Variants in SIDT2 observed in about 807,000 individuals in gnomAD.
SIDT2 encodes the protein SID1 transmembrane family, member 2.
In SIDT2, 68 loss-of-function variants were observed where a neutral mutation model predicts 114.4. The ratio of observed to expected loss-of-function variants is 0.59; its 90% confidence interval spans 0.49 to 0.73. The LOEUF is 0.73. Among genes scored for constraint, SIDT2 ranks in the 30% least tolerant of loss-of-function variants. The probability of loss-of-function intolerance (pLI) is 0.00; values close to 1 mark genes in which losing one functional copy is unlikely to be tolerated. For missense variants in SIDT2, 918 were observed against 1,097.1 expected, an observed-to-expected ratio of 0.84 and a Z score of 2.31; for synonymous variants, 470 against 438.4, an observed-to-expected ratio of 1.07 and a Z score of -0.90.
chr11:117,190,364 T>C lies in SIDT2; in HGVS notation c.1617+75T>C, dbSNP rs2030654004. On this transcript the variant is annotated intron_variant, in intron 17 of 25. Coordinates refer to ENST00000324225, the MANE Select transcript of SIDT2 (RefSeq NM_001040455.2). This position sits in a 1 kb window ranked among gnomAD's most constrained non-coding sequence, Gnocchi z 4.1. ...TCAAGCCTTGGCTCCAGGACACCCT[T>C]TTGGGCAGGCCTGGCCCTGCCTTCC... 2.0e-6 allele frequency: 3 copies of C among 1,514,968 alleles called. No homozygotes were observed. Among genetic ancestry groups the C allele is most frequent in the Admixed American group, 2.3e-5 (1 of 44,036 alleles). 93.8% of individuals were successfully genotyped at this position (1,514,968 alleles called of 1,614,324 possible). A position where few individuals can be genotyped will look rare whatever the true frequency, so the allele number is the denominator to read the frequency against.
In SIDT2 at chr11:117,192,842, T is replaced by C. The variant is rs763474873; in HGVS notation, c.2081T>C (p.Met694Thr). ...CAGGACCGCATGGTGCTGCTGGTCA[T>C]GGGCAACGTCATCAACTGGTCGCTG... ...LYVDRMVLLV[M>T]GNVINWSLAA... The change falls in exon 22 of 26, where the codon ATG (methionine) becomes ACG (threonine). Residue 694 changes from methionine (M) to threonine (T), a missense_variant. Around this residue, in one of 4 missense-constraint regions of SIDT2, gnomAD observed 275 missense variants for 397.6 expected, o/e 0.69. Coordinates refer to ENST00000324225, the MANE Select transcript of SIDT2 (RefSeq NM_001040455.2). The surrounding 1 kb of genome is among the most constrained non-coding windows in gnomAD (Gnocchi z 5.9). 3.1e-6 allele frequency: 5 copies of C among 1,614,008 alleles called. No individual in the cohort carries two copies. The highest frequency in any genetic ancestry group is 2.2e-5 in the East Asian group (1 of 44,884).
At position 117,196,041 on chromosome 11, in the gene SIDT2, A is replaced by G. The variant is rs772265007; in HGVS notation, c.2474A>G (p.Gln825Arg). The G allele has an allele frequency of 6.2e-7, 1 of 1,614,240 alleles. No homozygotes were observed. Among genetic ancestry groups the G allele is most frequent in the South Asian group, 1.1e-5 (1 of 91,088 alleles). ...CTGGATGACGACCTGGATACTGTGC[A>G]GCGGGACAAGATCTATGTCTTCTAG... ...LTLDDDLDTV[Q>R]RDKIYVF Residue 825 changes from glutamine to arginine, a missense_variant, in exon 26 of 26, where the codon CAG becomes CGG. By Grantham distance (43) the Gln-to-Arg change is conservative. This residue lies in a region of SIDT2 where 275 missense variants were observed against 397.6 expected (regional missense o/e 0.69). Transcript: ENST00000324225. The surrounding 1 kb of genome is among the most constrained non-coding windows in gnomAD (Gnocchi z 4.9).
intron 24 of SIDT2, among the ~76,000 whole-genome samples, chr11:117,195,085 CAAAAAAAAAAAAAAAAA>C (rs55970874): frequency 2.2e-5 from 1 of 45,700 alleles, no homozygotes; most frequent in Admixed American, 4.4e-4. Context: ...GACTCTGTCT[CAAAAAAAAAAAAAAAAA>C]AAAAAAAAAA....
At position 117,188,931 on chromosome 11, in the gene SIDT2, G is replaced by T; in HGVS notation, c.1278+105G>T. 8.2e-7 allele frequency: 1 copy of T among 1,218,322 alleles called. No homozygotes were observed. The highest frequency in any genetic ancestry group is 1.2e-6 in the Non-Finnish European group (1 of 823,896). 75.5% of individuals were successfully genotyped at this position (1,218,322 alleles called of 1,614,324 possible). ...TGACGTGGCATTTAGGGAAGCAGAAGGAAGGGGCTCAGCTGGGGCAGGGCA... is the reference window on the plus strand; with the variant it reads ...TGACGTGGCATTTAGGGAAGCAGAATGAAGGGGCTCAGCTGGGGCAGGGCA... On this transcript the variant is annotated intron_variant, in intron 13 of 25. Transcript: ENST00000324225. The surrounding 1 kb of genome is among the most constrained non-coding windows in gnomAD (Gnocchi z 4.0).
intron 8 of SIDT2, among the ~76,000 whole-genome samples, chr11:117,184,811 C>T (rs577998584): frequency 6.2e-4 from 95 of 152,282 alleles, no homozygotes; most frequent in African/African-American, 2.2e-3. Context: ...CTGCAATCTC[C>T]GCCTCCCGGG....
In SIDT2 at chr11:117,193,262, A is replaced by G; in HGVS notation, c.2211+4A>G. The G allele has an allele frequency of 1.2e-6, 2 of 1,611,820 alleles. No homozygotes were observed. Among genetic ancestry groups the G allele is most frequent in the South Asian group, 2.2e-5 (2 of 90,860 alleles). On this transcript the variant is annotated splice_donor_region_variant and intron_variant, in intron 23 of 25. Transcript: ENST00000324225. The stretch of plus-strand genomic sequence containing the variant: ...CGCCTTCTACATCATCATGAAGGTG[A>G]GTGGGGCTGGCCAAGCCCCCTCTGT...
chr11:117,182,250 A>AC, intron 4 of SIDT2, 145 bp downstream of exon 4: 8 of 958,222 alleles, frequency 8.3e-6, no homozygotes, highest in African/African-American at 1.6e-5. Context: ...TCTGGCCCTG[A>AC]CATGGTGAGG....
rs375738890 is a variant in SIDT2 at position 117,189,318 on chromosome 11, G to A, written c.1353-17G>A. ...CTTGGGTGCCACCCACCTCACTGCC[G>A]CCCTCCTGCTCCGCAGGAACATTGC... On this transcript the variant is annotated splice_polypyrimidine_tract_variant and intron_variant, in intron 14 of 25. Transcript: ENST00000324225. The A allele has an allele frequency of 1.5e-5, 25 of 1,614,032 alleles. No individual in the cohort carries two copies. The highest frequency in any genetic ancestry group is 1.8e-5 in the Non-Finnish European group (21 of 1,180,006).
At position 117,187,404 on chromosome 11, in the gene SIDT2, T is replaced by G; in HGVS notation, c.1042T>G (p.Phe348Val). Residue 348 changes from phenylalanine (F) to valine (V), a missense_variant, in exon 11 of 26, where the codon TTT becomes GTT. Physicochemically the swap from Phe to Val is conservative, Grantham distance 50. Transcript: ENST00000324225. ...SGHPRVLADSFPGSSPYEGYN... is the reference protein window; with the variant it reads ...SGHPRVLADSVPGSSPYEGYN... ...TCACCCTCGAGTCCTGGCTGATTCT[T>G]TTCCTGGCAGTTCCCCTTATGAGGG... 6.2e-7 allele frequency: 1 copy of G among 1,614,112 alleles called. No homozygotes were observed. Among genetic ancestry groups the G allele is most frequent in the Non-Finnish European group, 8.5e-7 (1 of 1,180,014 alleles).
At position 117,190,300 on chromosome 11, in the gene SIDT2, ACCTG is replaced by A; in HGVS notation, c.1617+22_1617+25del. On this transcript the variant is annotated intron_variant, in intron 17 of 25. Transcript: ENST00000324225. The surrounding 1 kb of genome is among the most constrained non-coding windows in gnomAD (Gnocchi z 4.1). ...GACCTCTGTGCCCTGGTAAGGGAGCACCTGCCTGCCTGCCGCAGCCTCAGCTCCA... is the reference window on the plus strand; with the variant it reads ...GACCTCTGTGCCCTGGTAAGGGAGCACCTGCCTGCCGCAGCCTCAGCTCCA... 1 of 1,524,684 alleles carries A rather than the reference ACCTG, an allele frequency of 6.6e-7. No individual in the cohort carries two copies. Among genetic ancestry groups the A allele is most frequent in the Non-Finnish European group, 8.8e-7 (1 of 1,138,114 alleles). The allele number at this position is 1,524,684 out of a possible 1,614,324, so 94.4% of individuals were successfully genotyped here.
Position 117,179,391 on chromosome 11 carries a change from T to G in SIDT2, c.128T>G (p.Val43Gly). The part of the protein sequence containing the change: ...AEFERTYVDE[V>G]NSELVNIYTF... ...TTTGAGCGCACCTACGTGGACGAGG[T>G]CAACAGCGAGCTGGTCAACATCTAC... The change falls in exon 1 of 26, where the codon GTC (valine) becomes GGC (glycine). Residue 43 changes from valine to glycine, a missense_variant. Around this residue, in one of 4 missense-constraint regions of SIDT2, gnomAD observed 553 missense variants for 600.1 expected, o/e 0.92. Transcript: ENST00000324225. 6.2e-7 allele frequency: 1 copy of G among 1,612,980 alleles called. No homozygotes were observed. The highest frequency in any genetic ancestry group is 8.5e-7 in the Non-Finnish European group (1 of 1,179,622).
At position 117,181,525 on chromosome 11, in the gene SIDT2, TC is replaced by T; in HGVS notation, c.295del (p.Leu99CysfsTer87). ...EAVVSFQVPL[I>X]LRGMFQRKYL... ...GTGGTGTCCTTCCAGGTGCCCCTAA[TC>T]CTGCGAGGGATGTGAGTAGGATCTG... On this transcript the variant is annotated frameshift_variant, in exon 2 of 26. Transcript: ENST00000324225. LOFTEE classifies it high-confidence loss of function. The T allele has an allele frequency of 6.2e-7, 1 of 1,613,912 alleles. No individual in the cohort carries two copies. The highest frequency in any genetic ancestry group is 8.5e-7 in the Non-Finnish European group (1 of 1,179,964).
chr11:117,189,756 C>T lies in SIDT2; in HGVS notation c.1420-196C>T, dbSNP rs181694362. The T allele has an allele frequency of 4.5e-3, 2,781 of 621,754 alleles. 23 individuals carry two copies. The highest frequency in any genetic ancestry group is 0.023 in the Middle Eastern group (53 of 2,334). 38.5% of individuals were successfully genotyped at this position (621,754 alleles called of 1,614,324 possible). A position where few individuals can be genotyped will look rare whatever the true frequency, so the allele number is the denominator to read the frequency against. On this transcript the variant is annotated intron_variant, in intron 15 of 25. Transcript: ENST00000324225. ...TCATGCCTCAGGGTTTTCAGCCACG[C>T]CTAATGAGAGGGGACAGCGACTGTG...
At position 117,183,838 on chromosome 11, in the gene SIDT2, A is replaced by T; in HGVS notation, c.762A>T (p.Gln254His). Residue 254 changes from glutamine (Q) to histidine (H), a missense_variant, in exon 7 of 26, where the codon CAA (glutamine) becomes CAT (histidine). Physicochemically the swap from Gln to His is conservative, Grantham distance 24. This residue lies in a region of SIDT2 where 553 missense variants were observed against 600.1 expected (regional missense o/e 0.92). Coordinates refer to ENST00000324225, the MANE Select transcript of SIDT2 (RefSeq NM_001040455.2). ...YVVVVVKTED[Q>H]ACGGSLPFYP... ...TGGTGGTGGTGAAGACCGAAGACCA[A>T]GCCTGCGGGGGCTCCCTGCCTTTCT... 1 of 1,614,084 alleles carries T rather than the reference A, an allele frequency of 6.2e-7. No homozygotes were observed. Among genetic ancestry groups the T allele is most frequent in the Non-Finnish European group, 8.5e-7 (1 of 1,180,010 alleles).
At chr11:117,187,551 C>T (rs989497442) in intron 11 of SIDT2, 77 bp from the exon 12 acceptor site, 2 of 1,595,968 alleles carry the variant, frequency 1.3e-6, no homozygotes, top group African/African-American at 1.3e-5. Flanking sequence ...CTCCAGCCCC[C>T]ACACCCTCTG....
chr11:117,191,936 G>T lies in SIDT2; in HGVS notation c.1794G>T (p.Arg598=). The T allele has an allele frequency of 6.2e-7, 1 of 1,614,166 alleles. No individual in the cohort carries two copies. Among genetic ancestry groups the T allele is most frequent in the South Asian group, 1.1e-5 (1 of 91,082 alleles). The change falls in exon 19 of 26, where the codon CGG becomes CGT. Residue 598 remains arginine (R), a synonymous_variant. Transcript: ENST00000324225. ...GCATGCTGAAGCTCTACCAGAAGCG[G>T]CACCCGGACATCAACGCCAGCGCCT... is the stretch of plus-strand genomic sequence containing the variant. ...GLCMLKLYQK[R]HPDINASAYS...
Position 117,188,947 on chromosome 11 carries a change from G to T in SIDT2, c.1278+121G>T. ...GAAGCAGAAGGAAGGGGCTCAGCTG[G>T]GGCAGGGCAGATGCCGGGGAAACTA... On this transcript the variant is annotated intron_variant, in intron 13 of 25. Transcript: ENST00000324225. The surrounding 1 kb of genome is among the most constrained non-coding windows in gnomAD (Gnocchi z 4.0). The T allele has an allele frequency of 9.0e-7, 1 of 1,111,494 alleles. No individual in the cohort carries two copies. 68.9% of individuals were successfully genotyped at this position (1,111,494 alleles called of 1,614,324 possible). A position where few individuals can be genotyped will look rare whatever the true frequency, so the allele number is the denominator to read the frequency against.
rs368934063 is a variant in SIDT2, at chr11:117,183,829, C to T, written c.753C>T (p.Thr251=). The change falls in exon 7 of 26, where the codon ACC becomes ACT. Residue 251 remains threonine, a synonymous_variant. Transcript: ENST00000324225. ...TTTATGTGGTGGTGGTGGTGAAGAC[C>T]GAAGACCAAGCCTGCGGGGGCTCCC... is the stretch of plus-strand genomic sequence containing the variant. ...NSFYVVVVVK[T]EDQACGGSLP... The T allele has an allele frequency of 1.9e-5, 30 of 1,613,914 alleles. No individual in the cohort carries two copies. The highest frequency in any genetic ancestry group is 5.0e-5 in the Admixed American group (3 of 59,986).
chr11:117,186,703 G>T, intron 10 of SIDT2, 67 bp downstream of exon 10: 3 of 1,444,730 alleles, frequency 2.1e-6, no homozygotes, highest in Non-Finnish European at 2.8e-6. Flanking sequence ...GGTGGTGGAT[G>T]GTTCCCTAGG....
Sources: allele counts gnomAD v4.1 joint callset (sites outside exome capture counted in the v4.1 genomes callset), GRCh38; gene constraint gnomAD v4.1.1; regional missense constraint gnomAD v4.1.1; non-coding constraint Gnocchi (gnomAD v3.1); transcripts MANE v1.5; gene names NCBI Gene and HGNC (gene_info 2026-07-23, HGNC 2026-07-21).